The following CNOT6L variants were observed in gnomAD, a reference collection of about 807,000 sequenced individuals.
The protein encoded by CNOT6L is CCR4-NOT transcription complex subunit 6 like, also known as CCR4-NOT transcription complex subunit 6-like.
A neutral mutation model predicts 64.0 loss-of-function variants in CNOT6L; 7 were observed. The observed-to-expected ratio is 0.11, with a 90% CI of 0.06 to 0.21. The LOEUF is 0.21. CNOT6L is among the 10% of genes least tolerant of loss of function. The probability of loss-of-function intolerance (pLI) is 1.00; values close to 1 mark genes in which losing one functional copy is unlikely to be tolerated. For synonymous variants in CNOT6L, 193 were observed against 243.4 expected (o/e 0.79, Z 1.93); for missense variants, 245 against 669.0 (o/e 0.37, Z 6.99).
chr4:77,778,170 A>G (rs528953776), intron 1 of CNOT6L, among the ~76,000 whole-genome samples: 3 of 152,224 alleles, frequency 2.0e-5, no homozygotes, highest in Non-Finnish European at 4.4e-5. Context: ...ACTTCTGAAA[A>G]TAAAGTTTTT....
At chr4:77,792,854 A>C (rs1390973173) in intron 1 of CNOT6L, among the ~76,000 whole-genome samples, 2 of 151,838 alleles carry the variant, frequency 1.3e-5, no homozygotes, top group African/African-American at 4.8e-5. Flanking sequence ...CCCTCTAAAA[A>C]AGTGACTCTC....
chr4:77,721,119 T>C (rs1026437407), intron 11 of CNOT6L, among the ~76,000 whole-genome samples: 2 of 152,256 alleles, frequency 1.3e-5, no homozygotes, highest in African/African-American at 4.8e-5. Flanking sequence ...ACCATGTTTA[T>C]GGATTTGCTA....
intron 1 of CNOT6L, among the ~76,000 whole-genome samples, chr4:77,792,224 A>G (rs1453350977): frequency 6.6e-6 from 1 of 152,186 alleles, no homozygotes; most frequent in Non-Finnish European, 1.5e-5. Flanking sequence ...CATATAAAAA[A>G]GTATAGATTT....
intron 1 of CNOT6L, among the ~76,000 whole-genome samples, chr4:77,814,633 A>G (rs1236258123): frequency 6.6e-6 from 1 of 152,108 alleles, no homozygotes. Flanking sequence ...TAGGTTTTCA[A>G]TTTTCAAGAT....
intron 1 of CNOT6L, among the ~76,000 whole-genome samples, chr4:77,778,669 T>C (rs1259666803): frequency 6.7e-6 from 1 of 150,094 alleles, no homozygotes; most frequent in Non-Finnish European, 1.5e-5. Context: ...CCTCCCAAAG[T>C]GCTGGGATTA....
rs58890864 is a variant in CNOT6L at position 77,740,431 on chromosome 4, A to G, written c.872+1710T>C. Among the ~76,000 whole-genome samples the G allele has an allele frequency of 5.8e-4, 89 of 152,256 alleles. 1 individual carries two copies. The highest frequency in any genetic ancestry group is 2.0e-3 in the African/African-American group (85 of 41,546). ...CAATTTTTCTAAATGAGGTAATCTT[A>G]TAAGAGGTATTAGTGATATCAAAAG... On this transcript the variant is annotated intron_variant, in intron 8 of 11. Coordinates refer to ENST00000504123, the MANE Select transcript of CNOT6L (RefSeq NM_144571.3).
Position 77,720,246 on chromosome 4 carries a change from G to A in CNOT6L, c.*185C>T, listed in dbSNP as rs1441868457. On this transcript the variant is annotated 3_prime_UTR_variant, in exon 12 of 12. Transcript: ENST00000504123. ...ATTTTGTAAAGAGAGTAATACTTTG[G>A]TTCCAGCCCTACTGCCAAATGATAC... The A allele has an allele frequency of 2.1e-5, 12 of 577,920 alleles. No individual in the cohort carries two copies. The highest frequency in any genetic ancestry group is 6.7e-5 in the Admixed American group (2 of 29,954). The allele number at this position is 577,920 out of a possible 1,614,324, so 35.8% of individuals were successfully genotyped here. A position where few individuals can be genotyped will look rare whatever the true frequency, so the allele number is the denominator to read the frequency against.
chr4:77,739,170 T>G (rs1723308713), intron 8 of CNOT6L, among the ~76,000 whole-genome samples: 1 of 152,248 alleles, frequency 6.6e-6, no homozygotes, highest in African/African-American at 2.4e-5. Context: ...TATAGTATTT[T>G]GCTATAAATG....
chr4:77,735,233 C>A (rs1722824334), intron 8 of CNOT6L, among the ~76,000 whole-genome samples: 1 of 152,158 alleles, frequency 6.6e-6, no homozygotes, highest in South Asian at 2.1e-4. Flanking sequence ...TCACTTTTCT[C>A]CGTATGTCCA....
chr4:77,780,371 T>A (rs1299317239), intron 1 of CNOT6L, among the ~76,000 whole-genome samples: 1 of 152,218 alleles, frequency 6.6e-6, no homozygotes, highest in African/African-American at 2.4e-5. Context: ...CTTACATAGA[T>A]TCTCAAAAGA....
chr4:77,739,680 A>G (rs1196281117), intron 8 of CNOT6L, among the ~76,000 whole-genome samples: 2 of 152,212 alleles, frequency 1.3e-5, no homozygotes, highest in African/African-American at 4.8e-5. Context: ...GGTACAATAT[A>G]CTGATGTATC....
chr4:77,783,693 A>G (rs538369230), intron 1 of CNOT6L, among the ~76,000 whole-genome samples: 4 of 152,280 alleles, frequency 2.6e-5, no homozygotes, highest in East Asian at 3.9e-4. Context: ...ACTGAAGATA[A>G]TAAGTTAAAC....
intron 4 of CNOT6L, among the ~76,000 whole-genome samples, chr4:77,760,695 A>G (rs1232063477): frequency 6.6e-6 from 1 of 151,564 alleles, no homozygotes; most frequent in Non-Finnish European, 1.5e-5. Context: ...CAATGAAGGG[A>G]CAGCCAAAAA....
intron 1 of CNOT6L, among the ~76,000 whole-genome samples, chr4:77,803,160 A>G (rs1731789895): frequency 6.6e-6 from 1 of 152,092 alleles, no homozygotes; most frequent in East Asian, 1.9e-4. Flanking sequence ...CAATAGAAAA[A>G]TTTAGGGTAA....
At chr4:77,740,245 C>T (rs1293881612) in intron 8 of CNOT6L, among the ~76,000 whole-genome samples, 3 of 151,952 alleles carry the variant, frequency 2.0e-5, no homozygotes, top group African/African-American at 7.3e-5. Flanking sequence ...GTGGCATGCA[C>T]GTGTAGTCTC....
intron 1 of CNOT6L, among the ~76,000 whole-genome samples, chr4:77,806,512 T>A (rs1001630318): frequency 2.0e-5 from 3 of 152,202 alleles, no homozygotes; most frequent in African/African-American, 7.2e-5. Flanking sequence ...GTAGTACTGA[T>A]AATTATGATA....
chr4:77,721,864 C>T (rs1395447689), intron 11 of CNOT6L, among the ~76,000 whole-genome samples: 1 of 151,852 alleles, frequency 6.6e-6, no homozygotes, highest in African/African-American at 2.4e-5. Context: ...CCCAGCTACT[C>T]GGAAGGCTGA....
chr4:77,819,551 C>G (rs984977374), upstream of CNOT6L: 1 of 481,530 alleles, frequency 2.1e-6, no homozygotes, highest in Admixed American at 5.1e-5. Flanking sequence ...GCAGGGAACC[C>G]GGGCCCGGGG....
At chr4:77,816,987 T>C (rs541224066) in intron 1 of CNOT6L, among the ~76,000 whole-genome samples, 1 of 152,320 alleles carries the variant, frequency 6.6e-6, no homozygotes, top group East Asian at 1.9e-4. Context: ...TTACCTTATA[T>C]TCAGAGAAAT....
Sources: allele counts gnomAD v4.1 joint callset (sites outside exome capture counted in the v4.1 genomes callset), GRCh38; gene constraint gnomAD v4.1.1; transcripts MANE v1.5; gene names NCBI Gene and HGNC (gene_info 2026-07-23, HGNC 2026-07-21).